The following KAT2B variants were observed in gnomAD, a reference collection of about 807,000 sequenced individuals.
KAT2B encodes the protein histone acetyltransferase KAT2B.
KAT2B carries 36 observed loss-of-function variants against 105.9 expected under a neutral mutation model. The observed-to-expected ratio is 0.34, with a 90% CI of 0.26 to 0.45. KAT2B has a LOEUF of 0.45. Among genes scored for constraint, KAT2B ranks in the 20% least tolerant of loss-of-function variants. The pLI, the probability that KAT2B is intolerant of heterozygous loss-of-function variation, is 1.00. For missense variants in KAT2B, 820 were observed against 1,021.6 expected, an observed-to-expected ratio of 0.80 and a Z score of 2.69; for synonymous variants, 397 against 377.9, an observed-to-expected ratio of 1.05 and a Z score of -0.59.
At chr3:20,117,286 A>G (rs987330530) in intron 7 of KAT2B, among the ~76,000 whole-genome samples, 1 of 152,202 alleles carries the variant, frequency 6.6e-6, no homozygotes, top group African/African-American at 2.4e-5. Flanking sequence ...GTATTACCTG[A>G]AGCCATCAGA....
chr3:20,062,243 A>G (rs1415537181), intron 1 of KAT2B, among the ~76,000 whole-genome samples: 2 of 37,390 alleles, frequency 5.3e-5, no homozygotes, highest in Non-Finnish European at 9.6e-5. Context: ...TATAAAATAT[A>G]TAATATATAA....
In KAT2B at chr3:20,040,515, G is replaced by A. The variant is rs1697691751; in HGVS notation, c.38G>A (p.Gly13Glu). ...EAGGAGPGGC[G>E]AGAGAGAGPG... ...GGCGGGGCCGGGCCGGGCGGCTGCG[G>A]GGCAGGAGCCGGGGCAGGGGCCGGG... The change falls in exon 1 of 18, where the codon GGG becomes GAG. Residue 13 changes from glycine (G) to glutamate (E), a missense_variant. Coordinates refer to ENST00000263754, the MANE Select transcript of KAT2B (RefSeq NM_003884.5). The A allele has an allele frequency of 2.9e-6, 3 of 1,027,972 alleles. No individual in the cohort carries two copies. The highest frequency in any genetic ancestry group is 8.9e-5 in the South Asian group (2 of 22,472). 63.7% of individuals were successfully genotyped at this position (1,027,972 alleles called of 1,614,324 possible).
intron 1 of KAT2B, among the ~76,000 whole-genome samples, chr3:20,050,416 T>A (rs560435130): frequency 7.4e-4 from 112 of 152,284 alleles, no homozygotes; most frequent in Non-Finnish European, 9.7e-4. Flanking sequence ...ATTTTCAGCA[T>A]CTCAGAGGGT....
intron 2 of KAT2B, among the ~76,000 whole-genome samples, chr3:20,085,855 A>G (rs1698604698): frequency 6.6e-6 from 1 of 152,184 alleles, no homozygotes; most frequent in South Asian, 2.1e-4. Flanking sequence ...ATACTTAGAA[A>G]CAATTTAATT....
intron 1 of KAT2B, among the ~76,000 whole-genome samples, chr3:20,062,266 A>G (rs1314597319): frequency 2.6e-4 from 13 of 50,038 alleles, no homozygotes; most frequent in Non-Finnish European, 6.0e-4. Context: ...TATGATATAT[A>G]ATATATAATA....
chr3:20,152,189 C>T (rs1699879749), intron 17 of KAT2B, 143 bp from the exon 18 acceptor site: 1 of 556,480 alleles, frequency 1.8e-6, no homozygotes, highest in South Asian at 3.0e-5. Context: ...TTTCCTTGGT[C>T]ATAAGAATTT....
intron 1 of KAT2B, among the ~76,000 whole-genome samples, chr3:20,059,537 C>G (rs550340698): frequency 6.6e-6 from 1 of 151,464 alleles, no homozygotes; most frequent in African/African-American, 2.4e-5. Context: ...AACCCCACCT[C>G]TACTACAAAT....
intron 1 of KAT2B, among the ~76,000 whole-genome samples, chr3:20,067,015 G>A (rs1264001989): frequency 6.6e-6 from 1 of 152,166 alleles, no homozygotes; most frequent in Non-Finnish European, 1.5e-5. Context: ...CAGTTGGAGT[G>A]CTGCGGGGCT....
At chr3:20,051,755 T>C (rs1375874379) in intron 1 of KAT2B, among the ~76,000 whole-genome samples, 2 of 152,224 alleles carry the variant, frequency 1.3e-5, no homozygotes, top group Admixed American at 6.5e-5. Flanking sequence ...AAAAGTAGTA[T>C]TGAATATATG....
At chr3:20,109,000 C>G (rs1699072878) in intron 5 of KAT2B, among the ~76,000 whole-genome samples, 1 of 152,146 alleles carries the variant, frequency 6.6e-6, no homozygotes, top group South Asian at 2.1e-4. Context: ...AGTTGGGGAC[C>G]TCTGCCATAG....
At chr3:20,127,965 G>A (rs779045431) in intron 11 of KAT2B, among the ~76,000 whole-genome samples, 23 of 152,296 alleles carry the variant, frequency 1.5e-4, no homozygotes, top group East Asian at 3.9e-4. Flanking sequence ...CACTCACCTC[G>A]TGCTGTGCAG....
intron 11 of KAT2B, among the ~76,000 whole-genome samples, chr3:20,135,457 A>G (rs1052611850): frequency 2.6e-5 from 4 of 152,130 alleles, no homozygotes; most frequent in African/African-American, 9.7e-5. Flanking sequence ...GATCGAGACT[A>G]TCCTGGCTAA....
intron 11 of KAT2B, 52 bp downstream of exon 11, chr3:20,127,601 C>G (rs749016752): frequency 3.9e-6 from 6 of 1,551,760 alleles, no homozygotes; most frequent in Non-Finnish European, 5.3e-6. Flanking sequence ...GGGCTTCTCA[C>G]TAAGGCCTGC....
chr3:20,070,228 G>A (rs1487374822), intron 1 of KAT2B, among the ~76,000 whole-genome samples: 1 of 151,986 alleles, frequency 6.6e-6, no homozygotes, highest in Non-Finnish European at 1.5e-5. Context: ...CACTGAAAAG[G>A]ACTCATTCAA....
rs1699176840 is a variant in KAT2B, at chr3:20,114,760, T to C, written c.1044-122T>C. 5 of 604,124 alleles carry C rather than the reference T, an allele frequency of 8.3e-6. No individual in the cohort carries two copies. In the South Asian group the frequency reaches 1.1e-4, roughly 13 times the overall value. The allele number at this position is 604,124 out of a possible 1,614,324, so 37.4% of individuals were successfully genotyped here. A position where few individuals can be genotyped will look rare whatever the true frequency, so the allele number is the denominator to read the frequency against. On this transcript the variant is annotated intron_variant, in intron 6 of 17. Transcript: ENST00000263754. ...TAAATCATAATTTGAGTTGTAATTC[T>C]CCATTATATTTCTGATTGAAGGTTT...
intron 17 of KAT2B, among the ~76,000 whole-genome samples, chr3:20,149,800 T>G (rs1222623730): frequency 3.3e-5 from 5 of 152,160 alleles, no homozygotes; most frequent in African/African-American, 1.2e-4. Flanking sequence ...AAGGCTGATT[T>G]GGGAATCAAT....
intron 1 of KAT2B, among the ~76,000 whole-genome samples, chr3:20,044,155 T>C (rs945099809): frequency 6.6e-6 from 1 of 152,084 alleles, no homozygotes; most frequent in Non-Finnish European, 1.5e-5. Context: ...TAAAGGTTGC[T>C]TCAGAGTCAT....
rs1699899529 is a variant in KAT2B at position 20,153,324 on chromosome 3, A to C, written c.*799A>C. ...TAATTTCCCTGCCCACAAAGGCATA[A>C]ACTTGAAAACACATGAGATTGAATC... is the stretch of plus-strand genomic sequence containing the variant. On this transcript the variant is annotated 3_prime_UTR_variant, in exon 18 of 18. Coordinates refer to ENST00000263754, the MANE Select transcript of KAT2B (RefSeq NM_003884.5). The C allele has an allele frequency of 6.6e-6, 1 of 152,218 alleles. No individual in the cohort carries two copies. Among genetic ancestry groups the C allele is most frequent in the African/African-American group, 2.4e-5 (1 of 41,468 alleles). The allele number at this position is 152,218 out of a possible 1,614,324, so 9.4% of individuals were successfully genotyped here.
At chr3:20,090,690 A>G (rs1407726045) in intron 2 of KAT2B, among the ~76,000 whole-genome samples, 1 of 152,128 alleles carries the variant, frequency 6.6e-6, no homozygotes, top group African/African-American at 2.4e-5. Context: ...TGGTATTAGT[A>G]TAATGCTGAC....
Sources: allele counts gnomAD v4.1 joint callset (sites outside exome capture counted in the v4.1 genomes callset), GRCh38; gene constraint gnomAD v4.1.1; transcripts MANE v1.5; gene names NCBI Gene and HGNC (gene_info 2026-07-23, HGNC 2026-07-21).